CDK14: variants seen among roughly 807,000 people sequenced by gnomAD.
The protein encoded by CDK14 is cyclin dependent kinase 14.
In CDK14, 34 loss-of-function variants were observed where a neutral mutation model predicts 60.7. The ratio of observed to expected loss-of-function variants is 0.56; its 90% CI spans 0.43 to 0.75. CDK14 has a LOEUF of 0.75. CDK14 is among the 30% of genes least tolerant of loss of function. CDK14 has a pLI of 0.00. For synonymous variants in CDK14, 197 were observed against 203.7 expected, an observed-to-expected ratio of 0.97 and a Z score of 0.28; for missense variants, 482 against 564.1, an observed-to-expected ratio of 0.85 and a Z score of 1.47.
At chr7:90,658,861 C>T (rs1301896916) in intron 2 of CDK14, among the ~76,000 whole-genome samples, 1 of 152,082 alleles carries the variant, frequency 6.6e-6, no homozygotes, top group African/African-American at 2.4e-5. Flanking sequence ...ATATGTTTAG[C>T]ATTTCTGAAT....
At chr7:91,143,511 C>T (rs1194826539) in intron 14 of CDK14, among the ~76,000 whole-genome samples, 1 of 151,994 alleles carries the variant, frequency 6.6e-6, no homozygotes, top group African/African-American at 2.4e-5. Flanking sequence ...CACTTGAGCC[C>T]AGGAGTTTGA....
intron 8 of CDK14, among the ~76,000 whole-genome samples, chr7:90,936,338 A>G (rs1363344601): frequency 6.6e-6 from 1 of 152,244 alleles, no homozygotes; most frequent in Non-Finnish European, 1.5e-5. Context: ...AGTAGAAAAC[A>G]GACAAATGTT....
At chr7:91,137,738 T>C (rs1404503567) in intron 14 of CDK14, among the ~76,000 whole-genome samples, 6 of 151,218 alleles carry the variant, frequency 4.0e-5, no homozygotes, top group Non-Finnish European at 8.8e-5. Flanking sequence ...GTGTGTTTAA[T>C]TGGAGTAATA....
intron 10 of CDK14, among the ~76,000 whole-genome samples, chr7:91,010,957 T>C (rs1348620002): frequency 1.3e-5 from 2 of 151,254 alleles, no homozygotes; most frequent in East Asian, 3.9e-4. Flanking sequence ...CTTGCATTGT[T>C]CTTAAACTCA....
intron 12 of CDK14, among the ~76,000 whole-genome samples, chr7:91,087,718 C>T (rs1194439479): frequency 6.6e-6 from 1 of 152,142 alleles, no homozygotes; most frequent in Non-Finnish European, 1.5e-5. Context: ...TACTCTTGAA[C>T]ATGGATACCA....
At chr7:90,960,054 G>T (rs191637975) in intron 9 of CDK14, among the ~76,000 whole-genome samples, 23 of 152,120 alleles carry the variant, frequency 1.5e-4, no homozygotes, top group Non-Finnish European at 3.2e-4. Context: ...GAGAAGTGCA[G>T]ATGTAGCAAG....
At chr7:91,022,142 C>T (rs937129064) in intron 10 of CDK14, among the ~76,000 whole-genome samples, 1 of 152,156 alleles carries the variant, frequency 6.6e-6, no homozygotes, top group African/African-American at 2.4e-5. Context: ...GTGCCAGAGG[C>T]TGAGGGACTG....
intron 11 of CDK14, among the ~76,000 whole-genome samples, chr7:91,048,304 C>A (rs1797296825): frequency 6.6e-6 from 1 of 152,142 alleles, no homozygotes; most frequent in Non-Finnish European, 1.5e-5. Flanking sequence ...TAATGCATCT[C>A]ATTGATCTTC....
At position 91,118,081 on chromosome 7, in the gene CDK14, T is replaced by C. The variant is rs575813467; in HGVS notation, c.1311T>C (p.Thr437=). Residue 437 remains threonine (T), a synonymous_variant, in exon 14 of 15, where the codon ACT becomes ACC. Transcript: ENST00000380050. ...WELTDMSSIF[T]VPNVRLQPEA... is the part of the protein sequence containing the mutation. ...TGTCCACAGTGTCTTCTATTTTTACTGTCCCAAATGTGAGATTGCAACCAG... is the reference window on the plus strand; with the variant it reads ...TGTCCACAGTGTCTTCTATTTTTACCGTCCCAAATGTGAGATTGCAACCAG... 1.2e-6 allele frequency: 2 copies of C among 1,608,622 alleles called. No homozygotes were observed. The highest frequency in any genetic ancestry group is 3.3e-5 in the Admixed American group (2 of 59,956).
intron 14 of CDK14, among the ~76,000 whole-genome samples, chr7:91,177,201 A>T (rs1056473250): frequency 2.6e-5 from 4 of 151,114 alleles, no homozygotes; most frequent in African/African-American, 9.8e-5. Context: ...AGAGCCAAAG[A>T]CAAAAACCAC....
intron 14 of CDK14, among the ~76,000 whole-genome samples, chr7:91,140,729 C>T (rs927875091): frequency 1.3e-5 from 2 of 152,026 alleles, no homozygotes; most frequent in Non-Finnish European, 2.9e-5. Flanking sequence ...TTCTTGTCAG[C>T]TTGTTGTGAA....
rs1439851398 is a variant in CDK14, at chr7:91,117,262, A to G, written c.1295-803A>G. On this transcript the variant is annotated intron_variant, in intron 13 of 14. Transcript: ENST00000380050. ...CACATTCAGTTCTTCCACAGACCGT[A>G]TTGTTGCTACCTTCACAGTATATCC... is the stretch of plus-strand genomic sequence containing the variant. Among the ~76,000 whole-genome samples the G allele has an allele frequency of 3.3e-5, 5 of 151,220 alleles. No individual in the cohort carries two copies. In the East Asian group the frequency reaches 9.7e-4, roughly 29 times the overall value.
intron 10 of CDK14, among the ~76,000 whole-genome samples, chr7:91,023,142 G>T (rs964168829): frequency 6.6e-6 from 1 of 152,104 alleles, no homozygotes; most frequent in Non-Finnish European, 1.5e-5. Flanking sequence ...CCACCATGAT[G>T]ATGTATTTTT....
intron 10 of CDK14, among the ~76,000 whole-genome samples, chr7:91,017,160 T>C (rs991168303): frequency 3.9e-5 from 6 of 152,198 alleles, no homozygotes; most frequent in African/African-American, 1.4e-4. Flanking sequence ...ATATTTCACT[T>C]TTTAAGAGTG....
At chr7:90,669,792 C>T (rs897842647) in intron 2 of CDK14, among the ~76,000 whole-genome samples, 1 of 152,134 alleles carries the variant, frequency 6.6e-6, no homozygotes, top group Non-Finnish European at 1.5e-5. Context: ...AAGATATTTT[C>T]TGCTTTTGTG....
chr7:90,663,005 G>C (rs192039103), intron 2 of CDK14, among the ~76,000 whole-genome samples: 21 of 152,156 alleles, frequency 1.4e-4, no homozygotes, highest in Non-Finnish European at 2.5e-4. Flanking sequence ...AAACCTAGCT[G>C]TAGCACACAA....
chr7:90,645,563 A>C (rs1800447438), intron 2 of CDK14, among the ~76,000 whole-genome samples: 1 of 152,150 alleles, frequency 6.6e-6, no homozygotes, highest in Non-Finnish European at 1.5e-5. Context: ...ACATCACTTA[A>C]ATAATTTATA....
At chr7:90,753,507 A>G (rs1418135939) in intron 4 of CDK14, among the ~76,000 whole-genome samples, 2 of 152,222 alleles carry the variant, frequency 1.3e-5, no homozygotes, top group African/African-American at 2.4e-5. Context: ...AGAGCCACCT[A>G]TGACAAACCC....
intron 2 of CDK14, among the ~76,000 whole-genome samples, chr7:90,725,860 G>C (rs1802615513): frequency 6.6e-6 from 1 of 152,064 alleles, no homozygotes; most frequent in Non-Finnish European, 1.5e-5. Context: ...GGTGAAGAAG[G>C]AAGAAGAAGG....
Sources: allele counts gnomAD v4.1 joint callset (sites outside exome capture counted in the v4.1 genomes callset), GRCh38; gene constraint gnomAD v4.1.1; transcripts MANE v1.5; gene names NCBI Gene and HGNC (gene_info 2026-07-23, HGNC 2026-07-21).